Variants in TAFA2 observed in about 807,000 individuals in gnomAD.
The protein encoded by TAFA2 is TAFA chemokine like family member 2.
Under a neutral mutation model 18.8 loss-of-function variants are expected in TAFA2, and 7 were observed. The observed-to-expected ratio is 0.37, with a 90% confidence interval of 0.21 to 0.70. The LOEUF is 0.70. TAFA2 is among the 30% of genes least tolerant of loss of function. TAFA2 has a pLI of 0.53. For synonymous variants in TAFA2, 60 were observed against 54.2 expected (o/e 1.11, Z -0.47); for missense variants, 122 against 158.1 (o/e 0.77, Z 1.23).
intron 1 of TAFA2, among the ~76,000 whole-genome samples, chr12:62,044,097 G>T (rs929882037): frequency 6.6e-6 from 1 of 151,766 alleles, no homozygotes; most frequent in Non-Finnish European, 1.5e-5. Context: ...AGGTATTTGA[G>T]AACCCACTAA....
chr12:62,199,038 G>A (rs1039073244), intron 1 of TAFA2, among the ~76,000 whole-genome samples: 1 of 150,482 alleles, frequency 6.6e-6, no homozygotes, highest in South Asian at 2.1e-4. Context: ...CATTTCTGTG[G>A]ATTGGCAATT....
intron 1 of TAFA2, among the ~76,000 whole-genome samples, chr12:62,067,327 C>T (rs1882516418): frequency 6.6e-6 from 1 of 151,540 alleles, no homozygotes; most frequent in African/African-American, 2.4e-5. Context: ...GATGTGATCC[C>T]ATTTGTTCAT....
chr12:62,043,023 C>T (rs535404553), intron 1 of TAFA2, among the ~76,000 whole-genome samples: 3 of 152,216 alleles, frequency 2.0e-5, no homozygotes, highest in South Asian at 2.1e-4. Flanking sequence ...ATGTCAGCCA[C>T]AGATAACAAG....
At chr12:62,234,330 C>A in intron 1 of TAFA2, 1 of 523,856 alleles carries the variant, frequency 1.9e-6, no homozygotes. Context: ...ACTGCCTCTC[C>A]TCTGAGCAGT....
intron 1 of TAFA2, among the ~76,000 whole-genome samples, chr12:62,063,763 C>A (rs1882413386): frequency 1.3e-5 from 2 of 151,526 alleles, no homozygotes; most frequent in African/African-American, 2.4e-5. Context: ...CCTTTAAGAG[C>A]AAAGCTTAAT....
At chr12:62,201,688 TTTGTTG>T (rs757620681) in intron 1 of TAFA2, among the ~76,000 whole-genome samples, 1 of 152,168 alleles carries the variant, frequency 6.6e-6, no homozygotes, top group Non-Finnish European at 1.5e-5. Context: ...TGGCCTGAAC[TTTGTTG>T]TTGTTGTTGC....
intron 1 of TAFA2, among the ~76,000 whole-genome samples, chr12:62,114,708 G>A (rs9738294): frequency 0.22 from 34,147 of 152,110 alleles, 4,212 homozygotes; most frequent in East Asian, 0.37. Context: ...GTACATGGCC[G>A]AGGTTCACAA....
intron 1 of TAFA2, chr12:62,135,838 G>T (rs1489253708): frequency 6.6e-6 from 1 of 152,036 alleles, no homozygotes; most frequent in Non-Finnish European, 1.5e-5. Context: ...TAAAAAGTGA[G>T]GATTTTCTTA....
intron 2 of TAFA2, 39 bp from the exon 3 acceptor site, chr12:61,755,063 T>C (rs1193868308): frequency 1.9e-6 from 3 of 1,603,458 alleles, no homozygotes; most frequent in Non-Finnish European, 2.6e-6. Flanking sequence ...TTGAGAAAGC[T>C]TTGGACACTT....
intron 1 of TAFA2, among the ~76,000 whole-genome samples, chr12:62,028,307 C>T (rs974277293): frequency 6.6e-6 from 1 of 152,130 alleles, no homozygotes; most frequent in East Asian, 1.9e-4. Flanking sequence ...ACTCAAGAAC[C>T]AGCTAGACCC....
intron 1 of TAFA2, among the ~76,000 whole-genome samples, chr12:61,867,660 CA>C (rs1874417903): frequency 6.6e-6 from 1 of 152,128 alleles, no homozygotes; most frequent in South Asian, 2.1e-4. Flanking sequence ...CCTCAGTCTT[CA>C]TCCACTTAAC....
intron 1 of TAFA2, among the ~76,000 whole-genome samples, chr12:61,969,939 G>C (rs2136663425): frequency 6.6e-6 from 1 of 151,714 alleles, no homozygotes; most frequent in Non-Finnish European, 1.5e-5. Flanking sequence ...CAAACGGCAA[G>C]TGAAGCTACA....
chr12:61,801,970 T>C (rs1294821130), intron 2 of TAFA2, among the ~76,000 whole-genome samples: 3 of 152,092 alleles, frequency 2.0e-5, no homozygotes, highest in Non-Finnish European at 4.4e-5. Flanking sequence ...TGGATCTTTC[T>C]CAAAAGAAGA....
chr12:62,079,986 T>C lies in TAFA2; in HGVS notation c.-2+111273A>G, dbSNP rs557455355. ...GAGACTGGTTTCTCTGCTCAGATCT[T>C]ATAGGCTAAAATCAAGGGGTCAGCC... On this transcript the variant is annotated intron_variant, in intron 1 of 4. Transcript: ENST00000416284. Among the ~76,000 whole-genome samples, 3 of 152,324 alleles carry C rather than the reference T, an allele frequency of 2.0e-5. No homozygotes were observed. In the South Asian group the frequency reaches 6.2e-4, roughly 32 times the overall value.
At chr12:62,069,124 C>T (rs994623549) in intron 1 of TAFA2, among the ~76,000 whole-genome samples, 6 of 152,126 alleles carry the variant, frequency 3.9e-5, no homozygotes, top group African/African-American at 1.4e-4. Flanking sequence ...TCTATGGAAG[C>T]CATCATTAAA....
At chr12:62,211,350 C>T (rs554522681) in intron 1 of TAFA2, among the ~76,000 whole-genome samples, 1 of 152,110 alleles carries the variant, frequency 6.6e-6, no homozygotes, top group Non-Finnish European at 1.5e-5. Context: ...CAGGCCAAGG[C>T]AGGTGGATCA....
chr12:62,109,216 A>C (rs919399965), intron 1 of TAFA2, among the ~76,000 whole-genome samples: 1 of 152,050 alleles, frequency 6.6e-6, no homozygotes, highest in Non-Finnish European at 1.5e-5. Flanking sequence ...AGTTCTCCCA[A>C]CACCATTTAT....
intron 2 of TAFA2, among the ~76,000 whole-genome samples, chr12:61,790,567 T>C (rs1292154387): frequency 6.6e-6 from 1 of 151,820 alleles, no homozygotes; most frequent in East Asian, 1.9e-4. Context: ...TTTTTATGCA[T>C]TAGTAGTGAA....
intron 1 of TAFA2, among the ~76,000 whole-genome samples, chr12:62,199,378 G>T (rs2062661896): frequency 2.6e-5 from 4 of 152,078 alleles, no homozygotes; most frequent in Non-Finnish European, 5.9e-5. Flanking sequence ...AACGCCATCA[G>T]GCCCCTGTGT....
Sources: gnomAD v4.1 joint callset for allele counts (sites outside exome capture counted in the v4.1 genomes callset) on GRCh38, gnomAD v4.1.1 for gene constraint, MANE v1.5 for transcripts, NCBI Gene and HGNC (gene_info 2026-07-23, HGNC 2026-07-21) for gene names.